TRPM3: variants seen among roughly 807,000 people sequenced by gnomAD.
TRPM3 encodes transient receptor potential cation channel subfamily M member 3, also known as long transient receptor potential channel 3.
In TRPM3, 77 loss-of-function variants were observed where a neutral mutation model predicts 181.2. The ratio of observed to expected loss-of-function variants is 0.42; its 90% confidence interval spans 0.35 to 0.51. The LOEUF (loss-of-function observed/expected upper bound fraction) is 0.51. Ranked by LOEUF, TRPM3 falls within the 20% of genes least tolerant of loss-of-function variation. TRPM3 has a pLI of 0.01. For synonymous variants in TRPM3, 745 were observed against 796.4 expected, an observed-to-expected ratio of 0.94 and a Z score of 1.09; for missense variants, 1,759 against 2,196.7, an observed-to-expected ratio of 0.80 and a Z score of 3.98.
intron 1 of TRPM3, among the ~76,000 whole-genome samples, chr9:71,268,720 G>T (rs1216486982): frequency 1.3e-5 from 2 of 152,092 alleles, no homozygotes; most frequent in African/African-American, 4.8e-5. Context: ...TACTCAGTTG[G>T]CTGAGGTGGG....
intron 1 of TRPM3, among the ~76,000 whole-genome samples, chr9:71,309,063 T>G (rs922036022): frequency 2.6e-5 from 4 of 152,188 alleles, no homozygotes; most frequent in African/African-American, 7.2e-5. Flanking sequence ...AGGAGTGGCC[T>G]GAAGAAACAG....
chr9:71,222,024 A>T (rs1034526333), intron 1 of TRPM3, among the ~76,000 whole-genome samples: 1 of 152,196 alleles, frequency 6.6e-6, no homozygotes, highest in African/African-American at 2.4e-5. Context: ...CTAGCTCTTG[A>T]AAAGCAAGAA....
intron 1 of TRPM3, among the ~76,000 whole-genome samples, chr9:71,083,852 ATATATATC>A (rs2064826450): frequency 6.6e-6 from 1 of 151,790 alleles, no homozygotes; most frequent in Admixed American, 6.6e-5. Context: ...TGCAGTGTGT[ATATATATC>A]TATATATGTA....
intron 1 of TRPM3, among the ~76,000 whole-genome samples, chr9:70,989,497 G>A (rs1564913626): frequency 6.6e-6 from 1 of 152,118 alleles, no homozygotes; most frequent in Non-Finnish European, 1.5e-5. Context: ...AGCCCCAAAG[G>A]TTTACAACTG....
At chr9:70,761,096 T>A in intron 8 of TRPM3, 1 of 239,424 alleles carries the variant, frequency 4.2e-6, no homozygotes. Context: ...TTGTAAGACA[T>A]TTTGCTCTGA....
In TRPM3 at chr9:71,295,470, CT is replaced by C. The variant is rs1336254961; in HGVS notation, c.183+151182del. Among the ~76,000 whole-genome samples the C allele has an allele frequency of 1.0e-2, 1,394 of 139,816 alleles. 3 individuals are homozygous for C. The highest frequency in any genetic ancestry group is 0.02 in the African/African-American group (749 of 38,308). The allele number at this position is 139,816 out of a possible 152,430, so 91.7% of individuals were successfully genotyped here. A position where few individuals can be genotyped will look rare whatever the true frequency, so the allele number is the denominator to read the frequency against. Reference sequence around the variant, plus strand: ...ATGGTTTGAAATCTATTTTGGCTTCCTTTTTTTTTTTTTAACAAAAGTATAA... The same window carrying C: ...ATGGTTTGAAATCTATTTTGGCTTCCTTTTTTTTTTTTAACAAAAGTATAA... On this transcript the variant is annotated intron_variant, in intron 1 of 24. Transcript: ENST00000357533.
chr9:71,399,503 T>TTTTACTCC, intron 1 of TRPM3, among the ~76,000 whole-genome samples: 1 of 151,496 alleles, frequency 6.6e-6, no homozygotes, highest in South Asian at 2.1e-4. Context: ...ATGATATTCA[T>TTTTACTCC]TTTACTCCTT....
intron 6 of TRPM3, among the ~76,000 whole-genome samples, chr9:70,801,882 G>A (rs527972850): frequency 6.6e-6 from 1 of 152,130 alleles, no homozygotes; most frequent in Non-Finnish European, 1.5e-5. Context: ...AAACTAATTC[G>A]TTCACTGAAA....
At chr9:71,175,559 A>G (rs1178393311) in intron 1 of TRPM3, among the ~76,000 whole-genome samples, 3 of 152,200 alleles carry the variant, frequency 2.0e-5, no homozygotes, top group Non-Finnish European at 4.4e-5. Context: ...TAGTGGTGGC[A>G]GGCAGTGTGG....
intron 1 of TRPM3, among the ~76,000 whole-genome samples, chr9:71,027,545 T>C (rs931184792): frequency 6.6e-5 from 10 of 152,078 alleles, no homozygotes; most frequent in Non-Finnish European, 1.3e-4. Flanking sequence ...TGAAATCCAA[T>C]GTAAGGAAGC....
intron 1 of TRPM3, among the ~76,000 whole-genome samples, chr9:71,158,662 G>A (rs1163151594): frequency 6.6e-6 from 1 of 152,140 alleles, no homozygotes; most frequent in Admixed American, 6.6e-5. Flanking sequence ...TAGAGCCTGT[G>A]ATGGTTAACT....
At chr9:70,788,170 A>T (rs535460131) in intron 6 of TRPM3, among the ~76,000 whole-genome samples, 805 of 46,886 alleles carry the variant, frequency 0.017, 10 homozygotes, top group Middle Eastern at 0.042. Context: ...CCCTCCCCCC[A>T]CCCCACCACA....
At chr9:70,635,049 T>TA (rs1287421332) in intron 12 of TRPM3, among the ~76,000 whole-genome samples, 162 bp downstream of exon 12, 1 of 127,908 alleles carries the variant, frequency 7.8e-6, no homozygotes, top group East Asian at 2.6e-4. Context: ...GCATCAGAGT[T>TA]AAAAGACACA....
intron 5 of TRPM3, among the ~76,000 whole-genome samples, chr9:70,830,362 G>C (rs1346158316): frequency 6.6e-6 from 1 of 152,166 alleles, no homozygotes; most frequent in Non-Finnish European, 1.5e-5. Context: ...AAGGACGTGG[G>C]TGCTCCAGTC....
chr9:70,635,436 T>C (rs2057003455), intron 11 of TRPM3, among the ~76,000 whole-genome samples, 175 bp from the exon 12 acceptor site: 1 of 151,436 alleles, frequency 6.6e-6, no homozygotes, highest in Non-Finnish European at 1.5e-5. Flanking sequence ...ATTGTCCCCA[T>C]TTGCAGATGA....
chr9:71,225,673 T>G (rs2131872124), intron 1 of TRPM3, among the ~76,000 whole-genome samples: 1 of 152,206 alleles, frequency 6.6e-6, no homozygotes, highest in East Asian at 1.9e-4. Flanking sequence ...TAACTTTTCT[T>G]TTTTGAGATG....
At position 70,606,896 on chromosome 9, in the gene TRPM3, T is replaced by A. The variant is rs150324787; in HGVS notation, c.2668-3426A>T. Among the ~76,000 whole-genome samples, 1,388 of 152,272 alleles carry A rather than the reference T, an allele frequency of 9.1e-3. 20 individuals are homozygous for A. Among genetic ancestry groups the A allele is most frequent in the African/African-American group, 0.031 (1,295 of 41,534 alleles). On this transcript the variant is annotated intron_variant, in intron 19 of 25. Transcript: ENST00000677713. ...CTATGGATCCCTGGTGGGGCTTTGCTCTTCCTCACTTCTTCCTGGGCCTTT... is the reference window on the plus strand; with the variant it reads ...CTATGGATCCCTGGTGGGGCTTTGCACTTCCTCACTTCTTCCTGGGCCTTT...
intron 1 of TRPM3, among the ~76,000 whole-genome samples, chr9:70,889,109 A>AC (rs758677227): frequency 7.9e-5 from 12 of 152,160 alleles, no homozygotes; most frequent in Non-Finnish European, 1.8e-4. Context: ...AACCTGATTC[A>AC]CCCCACTGAA....
chr9:71,226,721 C>T (rs898078542), intron 1 of TRPM3, among the ~76,000 whole-genome samples: 19 of 151,946 alleles, frequency 1.3e-4, no homozygotes, highest in Non-Finnish European at 2.8e-4. Flanking sequence ...AACAATGGAG[C>T]ACCCAGATAT....
Sources: gnomAD v4.1 joint callset for allele counts (sites outside exome capture counted in the v4.1 genomes callset) on GRCh38, gnomAD v4.1.1 for gene constraint, MANE v1.5 for transcripts, NCBI Gene and HGNC (gene_info 2026-07-23, HGNC 2026-07-21) for gene names.